NRK: variants seen among roughly 807,000 people sequenced by gnomAD.
NRK encodes Nik related kinase.
NRK carries 67 observed loss-of-function variants against 125.2 expected under a neutral mutation model. The ratio of observed to expected loss-of-function variants is 0.54; its 90% CI spans 0.44 to 0.66. NRK has a LOEUF of 0.66. NRK is among the 30% of genes least tolerant of loss of function. The probability of loss-of-function intolerance (pLI) is 0.00; values close to 1 mark genes in which losing one functional copy is unlikely to be tolerated. For missense variants in NRK, 1,224 were observed against 1,192.9 expected, an observed-to-expected ratio of 1.03 and a Z score of -0.38; for synonymous variants, 458 against 429.0, an observed-to-expected ratio of 1.07 and a Z score of -0.84.
rs763098533 is a variant in NRK, at chrX:105,888,407, G to A, written c.366G>A (p.Arg122=). ...TCAAGCTGAGTCCCCCTGGTCAGCG[G>A]CACCAACTTTGGGTATGTTTTTAAT... ...AFFKLSPPGQ[R]HQLWMVMELC... Residue 122 remains arginine, a synonymous_variant, in exon 5 of 29, where the codon CGG becomes CGA. Transcript: ENST00000243300. 27 of 1,190,871 alleles carry A rather than the reference G, an allele frequency of 2.3e-5. No individual in the cohort carries two copies. In the South Asian group the frequency reaches 4.7e-4, roughly 21 times the overall value.
intron 1 of NRK, 142 bp downstream of exon 1, chrX:105,823,044 C>A: frequency 1.7e-6 from 1 of 583,940 alleles, no homozygotes; most frequent in Non-Finnish European, 2.6e-6. Context: ...ATCCTGGGAG[C>A]CGGCATGCGG....
At position 105,955,638 on chromosome X, in the gene NRK, T is replaced by C; in HGVS notation, c.*38T>C. 1.5e-6 allele frequency: 1 copy of C among 682,373 alleles called. No individual in the cohort carries two copies. The highest frequency in any genetic ancestry group is 2.5e-5 in the South Asian group (1 of 40,540). 56.2% of individuals were successfully genotyped at this position (682,373 alleles called of 1,213,427 possible). A position where few individuals can be genotyped will look rare whatever the true frequency, so the allele number is the denominator to read the frequency against. ...ATTTATTACCACATTATAAACATCATGTATAGGCAGTCTGCATCTTCAGAT... is the reference window on the plus strand; with the variant it reads ...ATTTATTACCACATTATAAACATCACGTATAGGCAGTCTGCATCTTCAGAT... On this transcript the variant is annotated 3_prime_UTR_variant, in exon 29 of 29. Transcript: ENST00000243300.
Position 105,954,831 on chromosome X carries a change from A to C in NRK, c.4654-674A>C, listed in dbSNP as rs1352814299. Among the ~76,000 whole-genome samples, 6 of 111,989 alleles carry C rather than the reference A, an allele frequency of 5.4e-5. No homozygotes were observed. In the East Asian group the frequency reaches 1.7e-3, roughly 31 times the overall value. On this transcript the variant is annotated intron_variant, in intron 28 of 28. Transcript: ENST00000243300. ...TAAGCCACTGGGTTTAACTCATTTT[A>C]TCAATCTATTGATGTCCATTTTGCT...
intron 19 of NRK, among the ~76,000 whole-genome samples, chrX:105,933,368 T>A (rs2040621424): frequency 8.9e-6 from 1 of 112,019 alleles, no homozygotes; most frequent in South Asian, 3.7e-4. Context: ...TCATACCATG[T>A]TTTTGTGGTT....
At chrX:105,859,034 T>G (rs2039568329) in intron 2 of NRK, among the ~76,000 whole-genome samples, 1 of 111,226 alleles carries the variant, frequency 9.0e-6, no homozygotes, top group South Asian at 3.8e-4. Flanking sequence ...TTAATCTCAG[T>G]GTAAGAGAAT....
At chrX:105,883,308 G>A (rs2039906575) in intron 4 of NRK, among the ~76,000 whole-genome samples, 1 of 112,154 alleles carries the variant, frequency 8.9e-6, no homozygotes, top group African/African-American at 3.2e-5. Flanking sequence ...TCTAGTTGGG[G>A]ACTTTGAATT....
At position 105,909,246 on chromosome X, in the gene NRK, C is replaced by A. The variant is rs1287603934; in HGVS notation, c.1605C>A (p.Ala535=). ...QVPEQQRQGQ[A]PEQQQRHNQV... is the part of the protein sequence containing the mutation. ...CCGAACAACAAAGGCAGGGCCAGGC[C>A]CCTGAACAACAGCAGAGGCACAACC... Residue 535 remains alanine (A), a synonymous_variant, in exon 13 of 29, where the codon GCC becomes GCA. Transcript: ENST00000243300. 1.1e-5 allele frequency: 13 copies of A among 1,209,188 alleles called. No homozygotes were observed. Among genetic ancestry groups the A allele is most frequent in the Non-Finnish European group, 1.5e-5 (13 of 894,260 alleles).
At chrX:105,907,898 ACAGCTGTAAGCCATGCTCACCAC>A (rs886250167) in intron 11 of NRK, 60 of 127,269 alleles carry the variant, frequency 4.7e-4, no homozygotes, top group Non-Finnish European at 8.9e-4. Flanking sequence ...TCTAGAGCCC[ACAGCTGTAAGCCATGCTCACCAC>A]TATTTAGAGT....
chrX:105,821,814 A>ATTCT (rs1429919181), upstream of NRK, among the ~76,000 whole-genome samples: 18 of 111,710 alleles, frequency 1.6e-4, no homozygotes, highest in Non-Finnish European at 3.0e-4. Context: ...GCACCTGAGA[A>ATTCT]CAGGTGCTGT....
chrX:105,921,878 ACC>A, intron 16 of NRK, 84 bp from the exon 17 acceptor site: 2 of 402,337 alleles, frequency 5.0e-6, no homozygotes, highest in Non-Finnish European at 8.7e-6. Flanking sequence ...AAGAAAAAAA[ACC>A]AAGGGATTTA....
Position 105,900,635 on chromosome X carries a change from G to T in NRK, c.729G>T (p.Val243=). The change falls in exon 9 of 29, where the codon GTG becomes GTT. Residue 243 remains valine, a synonymous_variant. Transcript: ENST00000243300. ...SYDYRSDVWS[V]GITAIEMAEG... ...CTTTGCAGAGTGATGTGTGGTCTGT[G>T]GGAATTACTGCCATTGAAATGGCTG... The T allele has an allele frequency of 8.4e-7, 1 of 1,188,421 alleles. No individual in the cohort carries two copies. Among genetic ancestry groups the T allele is most frequent in the East Asian group, 3.0e-5 (1 of 33,620 alleles).
chrX:105,886,332 T>C lies in NRK; in HGVS notation c.253-1962T>C, dbSNP rs1439431069. 1.3e-4 allele frequency among the ~76,000 whole-genome samples: 14 copies of C among 107,115 alleles called. No homozygotes were observed. The Admixed American group carries it at 1.4e-3, about 11-fold the overall frequency. 93.0% of individuals were successfully genotyped at this position (107,115 alleles called of 115,157 possible). On this transcript the variant is annotated intron_variant, in intron 4 of 28. Transcript: ENST00000243300. ...AAATAATAAGAGCTTATTTGGATTTTTTAAATGACACACACACACATATAT... is the reference window on the plus strand; with the variant it reads ...AAATAATAAGAGCTTATTTGGATTTCTTAAATGACACACACACACATATAT...
intron 6 of NRK, 40 bp from the exon 7 acceptor site, chrX:105,895,393 G>A: frequency 2.1e-6 from 2 of 965,380 alleles, no homozygotes; most frequent in Non-Finnish European, 2.9e-6. Context: ...AAGAAAGAAA[G>A]AAATATATAC....
At chrX:105,849,178 C>T (rs1392838726) in intron 2 of NRK, among the ~76,000 whole-genome samples, 2 of 111,655 alleles carry the variant, frequency 1.8e-5, no homozygotes, top group African/African-American at 6.5e-5. Context: ...GTGAAAGGCA[C>T]TTCTTGCATG....
rs976008537 is a variant in NRK at position 105,925,146 on chromosome X, C to T, written c.3312+115C>T. ...AGATTTTCATCATATACCCCAAGGC[C>T]TTAAACATTTTTAATTATAGGTTTG... On this transcript the variant is annotated intron_variant, in intron 19 of 28. Transcript: ENST00000243300. 1.5e-5 allele frequency: 8 copies of T among 540,291 alleles called. No individual in the cohort carries two copies. In the African/African-American group the frequency reaches 1.6e-4, roughly 11 times the overall value. The allele number at this position is 540,291 out of a possible 1,213,427, so 44.5% of individuals were successfully genotyped here.
At chrX:105,950,785 A>C (rs1260672143) in intron 27 of NRK, among the ~76,000 whole-genome samples, 1 of 108,564 alleles carries the variant, frequency 9.2e-6, no homozygotes, top group African/African-American at 3.4e-5. Context: ...CTTTAGGTTT[A>C]GAATTTTTAG....
rs997097162 is a variant in NRK, at chrX:105,843,176, G to A, written c.123+12057G>A. On this transcript the variant is annotated intron_variant, in intron 2 of 28. Coordinates refer to ENST00000243300, the MANE Select transcript of NRK (RefSeq NM_198465.4). ...CAGAAATTTCAATGCAGACTGTTTT[G>A]TATATTTTCTGTTGCCCACACTCAT... Among the ~76,000 whole-genome samples, 6 of 111,855 alleles carry A rather than the reference G, an allele frequency of 5.4e-5. No homozygotes were observed. In the Admixed American group the frequency reaches 5.7e-4, roughly 11 times the overall value.
chrX:105,929,855 A>G (rs1362998048), intron 19 of NRK, among the ~76,000 whole-genome samples: 2 of 111,455 alleles, frequency 1.8e-5, no homozygotes, highest in African/African-American at 6.5e-5. Context: ...TCCTGGTGAT[A>G]CTATTTTGGG....
At chrX:105,875,360 A>G (rs996726099) in intron 2 of NRK, among the ~76,000 whole-genome samples, 1 of 111,002 alleles carries the variant, frequency 9.0e-6, no homozygotes, top group Admixed American at 9.6e-5. Context: ...CCCCTTCTGG[A>G]ACTCCTCAGG....
Sources: allele counts gnomAD v4.1 joint callset (sites outside exome capture counted in the v4.1 genomes callset), GRCh38; gene constraint gnomAD v4.1.1; transcripts MANE v1.5; gene names NCBI Gene and HGNC (gene_info 2026-07-23, HGNC 2026-07-21).